Variants in ADAM12 observed in about 807,000 individuals in gnomAD.
ADAM12 encodes the protein disintegrin and metalloproteinase domain-containing protein 12.
A neutral mutation model predicts 106.4 loss-of-function variants in ADAM12; 70 were observed. The observed-to-expected ratio is 0.66, with a 90% CI of 0.54 to 0.80. The LOEUF (loss-of-function observed/expected upper bound fraction) is 0.80, where lower values mean the gene tolerates loss of function less well. Among genes scored for constraint, ADAM12 ranks in the 30% least tolerant of loss-of-function variants. The pLI, the probability that ADAM12 is intolerant of heterozygous loss-of-function variation, is 0.00. For synonymous variants in ADAM12, 420 were observed against 433.5 expected (o/e 0.97, Z 0.39); for missense variants, 1,010 against 1,171.9 (o/e 0.86, Z 2.02).
intron 3 of ADAM12, among the ~76,000 whole-genome samples, chr10:126,251,823 G>GATAA (rs1958772906): frequency 2.3e-3 from 3 of 1,310 alleles, no homozygotes; most frequent in African/African-American, 3.4e-3. Flanking sequence ...TTGATGGGAT[G>GATAA]GATAGGATAG....
chr10:126,310,002 T>C (rs1961012707), intron 2 of ADAM12, among the ~76,000 whole-genome samples: 1 of 151,612 alleles, frequency 6.6e-6, no homozygotes, highest in Admixed American at 6.6e-5. Flanking sequence ...CTACTAAAAA[T>C]ACAAAAATTA....
chr10:126,330,587 A>T lies in ADAM12; in HGVS notation c.89-78T>A, dbSNP rs1469163271. ...GCATCAGAAGCTTATTACATAAATGACACAGTGAAAATATTTGGAAGTTAA... is the reference window on the plus strand; with the variant it reads ...GCATCAGAAGCTTATTACATAAATGTCACAGTGAAAATATTTGGAAGTTAA... On this transcript the variant is annotated intron_variant, in intron 1 of 22. Transcript: ENST00000448723. The T allele has an allele frequency of 2.4e-6, 3 of 1,244,030 alleles. No homozygotes were observed. In the Admixed American group the frequency reaches 6.6e-5, roughly 27 times the overall value. 77.1% of individuals were successfully genotyped at this position (1,244,030 alleles called of 1,614,324 possible). A position where few individuals can be genotyped will look rare whatever the true frequency, so the allele number is the denominator to read the frequency against.
At chr10:126,192,763 C>G (rs1231220606) in intron 3 of ADAM12, among the ~76,000 whole-genome samples, 1 of 152,166 alleles carries the variant, frequency 6.6e-6, no homozygotes, top group Admixed American at 6.5e-5. Flanking sequence ...AGCATGGAGG[C>G]CAGTGAAATT....
At chr10:126,051,620 G>A (rs1954503327) in intron 14 of ADAM12, among the ~76,000 whole-genome samples, 2 of 129,374 alleles carry the variant, frequency 1.5e-5, no homozygotes, top group South Asian at 2.6e-4. Flanking sequence ...CATCCATCCA[G>A]CCAGCCACCC....
intron 1 of ADAM12, among the ~76,000 whole-genome samples, chr10:126,378,731 A>G (rs1856385494): frequency 1.3e-5 from 2 of 152,226 alleles, no homozygotes; most frequent in South Asian, 4.1e-4. Flanking sequence ...GTTCTGAAGT[A>G]CATATAGTAG....
At chr10:126,182,568 C>T (rs541607472) in intron 3 of ADAM12, among the ~76,000 whole-genome samples, 4 of 152,266 alleles carry the variant, frequency 2.6e-5, no homozygotes, top group African/African-American at 7.2e-5. Context: ...TTTAAAATGT[C>T]ACTGGAGGTA....
At chr10:126,263,346 G>A (rs1473594672) in intron 3 of ADAM12, among the ~76,000 whole-genome samples, 3 of 152,168 alleles carry the variant, frequency 2.0e-5, no homozygotes, top group Non-Finnish European at 4.4e-5. Flanking sequence ...ATAGATGAGA[G>A]AACTCAGGAC....
chr10:126,076,022 C>G (rs1223344257), intron 11 of ADAM12, among the ~76,000 whole-genome samples: 2 of 152,198 alleles, frequency 1.3e-5, no homozygotes, highest in African/African-American at 4.8e-5. Context: ...GGGGTCCTGT[C>G]ACCCAGGTAG....
intron 2 of ADAM12, among the ~76,000 whole-genome samples, chr10:126,279,774 G>A (rs946043636): frequency 7.9e-5 from 12 of 151,964 alleles, no homozygotes; most frequent in Non-Finnish European, 1.6e-4. Context: ...GGGAGAGTTG[G>A]GTCATCCCAC....
At chr10:126,130,965 G>A (rs1956293189) in intron 5 of ADAM12, among the ~76,000 whole-genome samples, 1 of 152,168 alleles carries the variant, frequency 6.6e-6, no homozygotes, top group African/African-American at 2.4e-5. Context: ...GCCCTATAAA[G>A]ATAACCTGAA....
chr10:126,171,242 G>A (rs115028424), intron 3 of ADAM12, among the ~76,000 whole-genome samples: 1,716 of 152,128 alleles, frequency 0.011, 32 homozygotes, highest in African/African-American at 0.039. Flanking sequence ...ATTATGCTTC[G>A]GCTAGGCAGG....
intron 3 of ADAM12, among the ~76,000 whole-genome samples, chr10:126,199,598 AGT>A (rs924292465): frequency 6.6e-6 from 1 of 152,178 alleles, no homozygotes; most frequent in Non-Finnish European, 1.5e-5. Context: ...TGCTTCCCAG[AGT>A]GTGTCTCGGA....
At chr10:126,165,222 C>T (rs1957003227) in intron 3 of ADAM12, among the ~76,000 whole-genome samples, 1 of 152,074 alleles carries the variant, frequency 6.6e-6, no homozygotes, top group Non-Finnish European at 1.5e-5. Context: ...GGCTGGAGTG[C>T]AGTGGTGCGA....
chr10:126,349,680 A>T (rs1175773064), intron 1 of ADAM12, among the ~76,000 whole-genome samples: 1 of 152,230 alleles, frequency 6.6e-6, no homozygotes, highest in African/African-American at 2.4e-5. Flanking sequence ...TGAGAATGAA[A>T]TTATCAAAGG....
At chr10:126,190,353 T>G (rs1035329417) in intron 3 of ADAM12, among the ~76,000 whole-genome samples, 5 of 152,038 alleles carry the variant, frequency 3.3e-5, no homozygotes, top group African/African-American at 4.8e-5. Flanking sequence ...CAACTACTCT[T>G]GCACCACCAC....
chr10:126,214,935 T>G (rs1209316638), intron 3 of ADAM12, among the ~76,000 whole-genome samples: 2 of 152,178 alleles, frequency 1.3e-5, no homozygotes, highest in Non-Finnish European at 2.9e-5. Flanking sequence ...ACCCTCACCT[T>G]GGTGACTCTC....
At chr10:126,136,789 G>A (rs1041324727) in intron 4 of ADAM12, among the ~76,000 whole-genome samples, 3 of 152,200 alleles carry the variant, frequency 2.0e-5, no homozygotes, top group Non-Finnish European at 4.4e-5. Flanking sequence ...GATGAAAGGA[G>A]GGTGATAGGG....
intron 14 of ADAM12, among the ~76,000 whole-genome samples, chr10:126,059,978 CCA>C (rs3837315): frequency 0.24 from 36,495 of 152,046 alleles, 5,129 homozygotes; most frequent in East Asian, 0.47. Context: ...TAAACGCCAA[CCA>C]CACAGTTTGA....
At chr10:126,133,609 T>C (rs1956348375) in intron 5 of ADAM12, among the ~76,000 whole-genome samples, 1 of 152,080 alleles carries the variant, frequency 6.6e-6, no homozygotes, top group Admixed American at 6.5e-5. Flanking sequence ...AAATGTGAAG[T>C]CAGACCACAT....
Sources: gnomAD v4.1 joint callset for allele counts (sites outside exome capture counted in the v4.1 genomes callset) on GRCh38, gnomAD v4.1.1 for gene constraint, MANE v1.5 for transcripts, NCBI Gene and HGNC (gene_info 2026-07-23, HGNC 2026-07-21) for gene names.